The following TTC24 variants were observed in gnomAD, a reference collection of about 807,000 sequenced individuals.
The protein encoded by TTC24 is tetratricopeptide repeat protein 24.
A neutral mutation model predicts 63.3 loss-of-function variants in TTC24; 54 were observed. The observed-to-expected ratio is 0.85, with a 90% CI of 0.69 to 1.07. TTC24 has a LOEUF of 1.07. Among genes scored for constraint, TTC24 ranks in the 50% least tolerant of loss-of-function variants. The pLI is 0.00. For missense variants in TTC24, 680 were observed against 730.5 expected (o/e 0.93, Z 0.80); for synonymous variants, 276 against 304.3 (o/e 0.91, Z 0.97).
chr1:156,586,145 G>C (rs1677155562), intron 10 of TTC24, 100 bp downstream of exon 10: 7 of 907,970 alleles, frequency 7.7e-6, no homozygotes, highest in Non-Finnish European at 1.2e-5. Flanking sequence ...TGTTGAAGTT[G>C]GGGGAAGCTG....
In TTC24 at chr1:156,580,692, G is replaced by C. The variant is rs560641780; in HGVS notation, c.-4-669G>C. Among the ~76,000 whole-genome samples, 6 of 152,208 alleles carry C rather than the reference G, an allele frequency of 3.9e-5. No individual in the cohort carries two copies. In the South Asian group the frequency reaches 1.2e-3, roughly 32 times the overall value. On this transcript the variant is annotated intron_variant, in intron 1 of 10. Transcript: ENST00000368236. ...GGGGTTTTACCATGTTGGCCAGGCT[G>C]GTCTCTATCTCTTGACCTCGTGATC...
chr1:156,581,793 C>T lies in TTC24; in HGVS notation c.429C>T (p.Ala143=). The part of the protein sequence containing the change: ...LPQALAWYHR[A]LGHYQPQGDQ... Reference sequence around the variant, plus strand: ...AAGCTTTGGCCTGGTACCACAGGGCCCTGGGCCACTACCAGCCACAGGGTG... The same window carrying T: ...AAGCTTTGGCCTGGTACCACAGGGCTCTGGGCCACTACCAGCCACAGGGTG... The change falls in exon 2 of 11, where the codon GCC becomes GCT. Residue 143 remains alanine, a synonymous_variant. Transcript: ENST00000368236. The T allele has an allele frequency of 6.4e-7, 1 of 1,551,598 alleles. No individual in the cohort carries two copies. Among genetic ancestry groups the T allele is most frequent in the Non-Finnish European group, 8.7e-7 (1 of 1,146,998 alleles).
Position 156,581,353 on chromosome 1 carries a change from T to C in TTC24, c.-4-8T>C, listed in dbSNP as rs200192490. 463 of 1,470,032 alleles carry C rather than the reference T, an allele frequency of 3.1e-4. No homozygotes were observed. Among genetic ancestry groups the C allele is most frequent in the Middle Eastern group, 3.6e-4 (2 of 5,546 alleles). The allele number at this position is 1,470,032 out of a possible 1,614,324, so 91.1% of individuals were successfully genotyped here. A position where few individuals can be genotyped will look rare whatever the true frequency, so the allele number is the denominator to read the frequency against. ...TGACATACTGAGCCCTCTGTTCCCCTTTGTCAGCCCTATGTCTTCCCCCAA... is the reference window on the plus strand; with the variant it reads ...TGACATACTGAGCCCTCTGTTCCCCCTTGTCAGCCCTATGTCTTCCCCCAA... On this transcript the variant is annotated splice_region_variant and splice_polypyrimidine_tract_variant and intron_variant, in intron 1 of 10. Coordinates refer to ENST00000368236, the MANE Select transcript of TTC24 (RefSeq NM_001105669.4).
intron 6 of TTC24, 43 bp from the exon 7 acceptor site, chr1:156,584,834 C>T (rs375207050): frequency 7.2e-7 from 1 of 1,397,576 alleles, no homozygotes; most frequent in Non-Finnish European, 9.6e-7. Flanking sequence ...CTGGGATGGC[C>T]GTTTTTCTCA....
chr1:156,582,683 G>A (rs970019707), intron 3 of TTC24, among the ~76,000 whole-genome samples: 8 of 152,224 alleles, frequency 5.3e-5, no homozygotes, highest in African/African-American at 1.2e-4. Context: ...TACTGGCTGC[G>A]AGAGGAGGCC....
At position 156,585,930 on chromosome 1, in the gene TTC24, T is replaced by C; in HGVS notation, c.1571-19T>C. 6.2e-7 allele frequency: 1 copy of C among 1,603,154 alleles called. No individual in the cohort carries two copies. On this transcript the variant is annotated intron_variant, in intron 9 of 10. Coordinates refer to ENST00000368236, the MANE Select transcript of TTC24 (RefSeq NM_001105669.4). ...TGCAGAGAGGCACGTGATGAATGTG[T>C]CTGTCCTTCTCCATCTAGGTCCAGG...
rs188764961 is a variant in TTC24, at chr1:156,581,341, C to T, written c.-4-20C>T. ...GGAAGCCAAGGCTGACATACTGAGC[C>T]CTCTGTTCCCCTTTGTCAGCCCTAT... is the stretch of plus-strand genomic sequence containing the variant. On this transcript the variant is annotated intron_variant, in intron 1 of 10. Coordinates refer to ENST00000368236, the MANE Select transcript of TTC24 (RefSeq NM_001105669.4). 3.1e-5 allele frequency: 45 copies of T among 1,459,020 alleles called. No homozygotes were observed. The highest frequency in any genetic ancestry group is 4.0e-5 in the Non-Finnish European group (44 of 1,101,380). The allele number at this position is 1,459,020 out of a possible 1,614,324, so 90.4% of individuals were successfully genotyped here.
Position 156,586,430 on chromosome 1 carries a change from A to C in TTC24, c.1668-39A>C, listed in dbSNP as rs912859776. The C allele has an allele frequency of 5.1e-6, 8 of 1,571,222 alleles. No individual in the cohort carries two copies. The Admixed American group carries it at 1.3e-4, about 25-fold the overall frequency. On this transcript the variant is annotated intron_variant, in intron 10 of 10. Coordinates refer to ENST00000368236, the MANE Select transcript of TTC24 (RefSeq NM_001105669.4). ...GCAGGCTGCCTCCTGCTGTCTCCCCAGTCACCCCCACTGGCAAGCCCCTCC... is the reference window on the plus strand; with the variant it reads ...GCAGGCTGCCTCCTGCTGTCTCCCCCGTCACCCCCACTGGCAAGCCCCTCC...
chr1:156,582,436 T>G lies in TTC24; in HGVS notation c.910+2T>G. Reference sequence around the variant, plus strand: ...ACCAGAAGGCTGCTGACCTACACGGTGGGTGCCTGGGGCCGGGGAATGGGA... The same window carrying G: ...ACCAGAAGGCTGCTGACCTACACGGGGGGTGCCTGGGGCCGGGGAATGGGA... On this transcript the variant is annotated splice_donor_variant, in intron 3 of 10. Transcript: ENST00000368236. LOFTEE classifies it high-confidence loss of function. 6.2e-7 allele frequency: 1 copy of G among 1,613,530 alleles called. No individual in the cohort carries two copies. Among genetic ancestry groups the G allele is most frequent in the South Asian group, 1.1e-5 (1 of 91,056 alleles).
At chr1:156,582,788 G>T (rs1049910316) in intron 3 of TTC24, among the ~76,000 whole-genome samples, 4 of 152,290 alleles carry the variant, frequency 2.6e-5, no homozygotes, top group South Asian at 2.1e-4. Context: ...TTAAAAACGG[G>T]GCCATTAACA....
Position 156,582,337 on chromosome 1 carries a change from G to A in TTC24, c.813G>A (p.Glu271=), listed in dbSNP as rs1677023080. 6.2e-7 allele frequency: 1 copy of A among 1,608,788 alleles called. No homozygotes were observed. The highest frequency in any genetic ancestry group is 2.2e-5 in the East Asian group (1 of 44,604). The change falls in exon 3 of 11, where the codon GAG becomes GAA. Residue 271 remains glutamate (E), a synonymous_variant. Coordinates refer to ENST00000368236, the MANE Select transcript of TTC24 (RefSeq NM_001105669.4). Reference sequence around the variant, plus strand: ...TGCCCCTGTGCTGGGTGCCAGGAGAGCAGGCCACAGTGCTAAGAAACCTCG... The same window carrying A: ...TGCCCCTGTGCTGGGTGCCAGGAGAACAGGCCACAGTGCTAAGAAACCTCG... ...QALPLCWVPG[E]QATVLRNLGM...
chr1:156,582,997 A>G, intron 3 of TTC24, 45 bp from the exon 4 acceptor site: 2 of 1,571,192 alleles, frequency 1.3e-6, no homozygotes, highest in Non-Finnish European at 1.7e-6. Flanking sequence ...CTGATGTCCC[A>G]GCAGCCAGAG....
rs1476557674 is a variant in TTC24 at position 156,583,182 on chromosome 1, A to C, written c.1039+12A>C. ...TGCCCGGGACTCTGGTAAGCGTGAGAGGGTTGGGATGTGACTGGGACAGTG... is the reference window on the plus strand; with the variant it reads ...TGCCCGGGACTCTGGTAAGCGTGAGCGGGTTGGGATGTGACTGGGACAGTG... On this transcript the variant is annotated intron_variant, in intron 4 of 10. Coordinates refer to ENST00000368236, the MANE Select transcript of TTC24 (RefSeq NM_001105669.4). This position sits in a 1 kb window ranked among gnomAD's most constrained non-coding sequence, Gnocchi z 4.0. The C allele has an allele frequency of 1.3e-6, 2 of 1,576,788 alleles. No individual in the cohort carries two copies. The highest frequency in any genetic ancestry group is 1.7e-6 in the Non-Finnish European group (2 of 1,162,868).
rs1677080023 is a variant in TTC24 at position 156,583,951 on chromosome 1, G to A, written c.1251+56G>A. 8.2e-6 allele frequency: 12 copies of A among 1,459,260 alleles called. No individual in the cohort carries two copies. The highest frequency in any genetic ancestry group is 3.5e-4 in the Middle Eastern group (2 of 5,780). The allele number at this position is 1,459,260 out of a possible 1,614,324, so 90.4% of individuals were successfully genotyped here. A position where few individuals can be genotyped will look rare whatever the true frequency, so the allele number is the denominator to read the frequency against. ...GGTGGAGAGAGGTTACCCAGAGAAG[G>A]GGTTGGTGGTAAGCAGAGACGCTGT... is the stretch of plus-strand genomic sequence containing the variant. On this transcript the variant is annotated intron_variant, in intron 6 of 10. Transcript: ENST00000368236. This position sits in a 1 kb window ranked among gnomAD's most constrained non-coding sequence, Gnocchi z 4.0.
At position 156,585,225 on chromosome 1, in the gene TTC24, C is replaced by G. The variant is rs1467144309; in HGVS notation, c.1450C>G (p.Pro484Ala). 1.9e-6 allele frequency: 3 copies of G among 1,610,764 alleles called. No homozygotes were observed. The Admixed American group carries it at 5.0e-5, about 27-fold the overall frequency. ...TCCGGTGAGGGCTGGGCCGGGAAGA[C>G]CAGAGCGTGAGTTGATGTAGAGTAT... ...NVPVRAGPGR[P>A]ELCFLPGTVN... The change falls in exon 8 of 11, where the codon CCA (proline) becomes GCA (alanine). Residue 484 changes from proline (P) to alanine (A), a missense_variant. Transcript: ENST00000368236.
chr1:156,581,929 C>T lies in TTC24; in HGVS notation c.565C>T (p.Gln189Ter). The stretch of plus-strand genomic sequence containing the variant: ...AAGCCAGGCCTATGCTCAAGAGAGA[C>T]AGCTGCGGGCCGCAGCCCTGGCACT... ...EASQAYAQER[Q>*]LRAAALALGA... The change falls in exon 2 of 11, where the codon CAG becomes TAG. Residue 189 changes from glutamine (Q) to a stop codon, truncating the protein, a stop_gained. Transcript: ENST00000368236. LOFTEE classifies it high-confidence loss of function. 6.5e-7 allele frequency: 1 copy of T among 1,543,570 alleles called. No individual in the cohort carries two copies. Among genetic ancestry groups the T allele is most frequent in the African/African-American group, 1.4e-5 (1 of 72,682 alleles).
In TTC24 at chr1:156,581,644, G is replaced by A; in HGVS notation, c.280G>A (p.Asp94Asn). 6.4e-7 allele frequency: 1 copy of A among 1,551,712 alleles called. No homozygotes were observed. Among genetic ancestry groups the A allele is most frequent in the Non-Finnish European group, 8.7e-7 (1 of 1,147,006 alleles). ...NLGAAYVETG[D>N]PARGLELLLR... ...GGGGGCTGCCTATGTGGAGACTGGG[G>A]ACCCAGCCAGAGGCCTTGAGCTACT... is the stretch of plus-strand genomic sequence containing the variant. Residue 94 changes from aspartate to asparagine, a missense_variant, in exon 2 of 11, where the codon GAC becomes AAC. Coordinates refer to ENST00000368236, the MANE Select transcript of TTC24 (RefSeq NM_001105669.4).
At position 156,584,943 on chromosome 1, in the gene TTC24, G is replaced by T. The variant is rs773129543; in HGVS notation, c.1318G>T (p.Ala440Ser). The change falls in exon 7 of 11, where the codon GCA (alanine) becomes TCA (serine). Residue 440 changes from alanine (A) to serine (S), a missense_variant. Coordinates refer to ENST00000368236, the MANE Select transcript of TTC24 (RefSeq NM_001105669.4). ...CCAGGCGGAGGGGACCCCAGCAAAG[G>T]CAGGAAGCAGCACAGCAGGTGTCCA... is the stretch of plus-strand genomic sequence containing the variant. ...ASQAEGTPAK[A>S]GSSTAGVQHR... 10 of 1,603,490 alleles carry T rather than the reference G, an allele frequency of 6.2e-6. No individual in the cohort carries two copies. The East Asian group carries it at 1.6e-4, about 25-fold the overall frequency.
Position 156,586,992 on chromosome 1 carries a change from A to G in TTC24, c.*442A>G, listed in dbSNP as rs1311726563. Among the ~76,000 whole-genome samples the G allele has an allele frequency of 6.6e-6, 1 of 152,238 alleles. No homozygotes were observed. The highest frequency in any genetic ancestry group is 2.4e-5 in the African/African-American group (1 of 41,474). ...TGCACCTTACTTCTCTGTGAAACAC[A>G]GGGGATGCTGGGCGCAGGCCTAGGC... On this transcript the variant is annotated 3_prime_UTR_variant, in exon 11 of 11. Transcript: ENST00000368236.
Sources: allele counts gnomAD v4.1 joint callset (sites outside exome capture counted in the v4.1 genomes callset), GRCh38; gene constraint gnomAD v4.1.1; non-coding constraint Gnocchi (gnomAD v3.1); transcripts MANE v1.5; gene names NCBI Gene and HGNC (gene_info 2026-07-23, HGNC 2026-07-21).